PPP1R14C: variants seen among roughly 807,000 people sequenced by gnomAD.
The protein encoded by PPP1R14C is protein phosphatase 1 regulatory inhibitor subunit 14C.
Under a neutral mutation model 20.4 loss-of-function variants are expected in PPP1R14C, and 16 were observed. That is an observed-to-expected ratio of 0.78 (90% CI 0.53 to 1.19). The LOEUF is 1.19. Among genes scored for constraint, PPP1R14C ranks in the 50% most tolerant of loss-of-function variants. The probability of loss-of-function intolerance (pLI) is 0.00; values close to 1 mark genes in which losing one functional copy is unlikely to be tolerated. For missense variants in PPP1R14C, 211 were observed against 220.1 expected (o/e 0.96, Z 0.26); for synonymous variants, 91 against 91.0 (o/e 1.00, Z 0.00).
chr6:150,152,603 C>T (rs1777262021), intron 1 of PPP1R14C, among the ~76,000 whole-genome samples: 3 of 152,124 alleles, frequency 2.0e-5, no homozygotes. Context: ...GCCCCCACTC[C>T]CTAGCTGTCT....
chr6:150,198,996 T>G (rs1202746197), intron 1 of PPP1R14C, among the ~76,000 whole-genome samples: 2 of 143,164 alleles, frequency 1.4e-5, no homozygotes, highest in South Asian at 2.1e-4. Flanking sequence ...GTGGTAGGCT[T>G]CTTCTTTTTT....
chr6:150,243,128 C>T (rs1778451395), intron 3 of PPP1R14C, among the ~76,000 whole-genome samples: 1 of 151,252 alleles, frequency 6.6e-6, no homozygotes, highest in Admixed American at 6.6e-5. Context: ...AAGGCAATCT[C>T]AGTCAAAACC....
intron 3 of PPP1R14C, among the ~76,000 whole-genome samples, chr6:150,231,459 G>A (rs957880855): frequency 3.9e-5 from 6 of 152,116 alleles, no homozygotes; most frequent in African/African-American, 7.2e-5. Flanking sequence ...TTCCTGGGCC[G>A]GTTGACACTT....
intron 1 of PPP1R14C, chr6:150,164,464 TG>T (rs1186398692): frequency 6.6e-6 from 1 of 152,240 alleles, no homozygotes; most frequent in African/African-American, 2.4e-5. Flanking sequence ...TACAAGGTCA[TG>T]AAAATGTTTT....
At chr6:150,156,563 G>T (rs1337416672) in intron 1 of PPP1R14C, among the ~76,000 whole-genome samples, 2 of 152,146 alleles carry the variant, frequency 1.3e-5, no homozygotes, top group Non-Finnish European at 2.9e-5. Flanking sequence ...TTTTCAGATT[G>T]GCAGAGATAG....
At chr6:150,237,827 A>G (rs1778381898) in intron 3 of PPP1R14C, among the ~76,000 whole-genome samples, 1 of 152,202 alleles carries the variant, frequency 6.6e-6, no homozygotes, top group Non-Finnish European at 1.5e-5. Flanking sequence ...ATGTGGCTAC[A>G]CTGCTTCTTA....
intron 1 of PPP1R14C, among the ~76,000 whole-genome samples, chr6:150,190,919 T>C (rs1777734531): frequency 6.6e-6 from 1 of 152,142 alleles, no homozygotes; most frequent in Non-Finnish European, 1.5e-5. Flanking sequence ...AGTGATCCCG[T>C]TAATATAAGT....
chr6:150,206,925 C>A (rs565434090), intron 1 of PPP1R14C, among the ~76,000 whole-genome samples: 1 of 151,620 alleles, frequency 6.6e-6, no homozygotes, highest in East Asian at 1.9e-4. Context: ...AGTGCAATGG[C>A]ATGATCTCGG....
chr6:150,179,521 C>T (rs1417147337), intron 1 of PPP1R14C, among the ~76,000 whole-genome samples: 9 of 151,922 alleles, frequency 5.9e-5, no homozygotes, highest in Non-Finnish European at 1.0e-4. Flanking sequence ...ATAAGTGTCT[C>T]GATTTTTCCA....
intron 1 of PPP1R14C, among the ~76,000 whole-genome samples, chr6:150,155,804 C>T (rs1054966417): frequency 6.6e-6 from 1 of 151,732 alleles, no homozygotes; most frequent in Non-Finnish European, 1.5e-5. Context: ...GCGGGTGGAT[C>T]ACTTGAGGTC....
At chr6:150,190,615 C>T (rs555144167) in intron 1 of PPP1R14C, among the ~76,000 whole-genome samples, 2 of 152,060 alleles carry the variant, frequency 1.3e-5, no homozygotes, top group Admixed American at 1.3e-4. Flanking sequence ...TTAGTAGAGA[C>T]GGTGTTTCAC....
rs529872394 is a variant in PPP1R14C, at chr6:150,172,097, T to C, written c.306+28599T>C. On this transcript the variant is annotated intron_variant, in intron 1 of 3. Transcript: ENST00000361131. ...TGCTGGGATTACAGGTGTGAGCCACTGCACCCGGCCCAGAGTCTCTCCCTT... is the reference window on the plus strand; with the variant it reads ...TGCTGGGATTACAGGTGTGAGCCACCGCACCCGGCCCAGAGTCTCTCCCTT... Among the ~76,000 whole-genome samples, 582 of 152,268 alleles carry C rather than the reference T, an allele frequency of 3.8e-3. 6 individuals carry two copies. Among genetic ancestry groups the C allele is most frequent in the African/African-American group, 0.013 (556 of 41,562 alleles).
intron 1 of PPP1R14C, among the ~76,000 whole-genome samples, chr6:150,177,547 T>G (rs1276682562): frequency 1.3e-5 from 2 of 152,140 alleles, no homozygotes; most frequent in Admixed American, 1.3e-4. Context: ...TGGTCACAGA[T>G]AGCCTTACTG....
At chr6:150,238,955 T>A (rs367975132) in intron 3 of PPP1R14C, among the ~76,000 whole-genome samples, 2 of 152,280 alleles carry the variant, frequency 1.3e-5, no homozygotes, top group South Asian at 2.1e-4. Flanking sequence ...CTTCTTTTTT[T>A]TTTGGCGGTC....
At chr6:150,166,385 C>G (rs549904169) in intron 1 of PPP1R14C, among the ~76,000 whole-genome samples, 3 of 152,060 alleles carry the variant, frequency 2.0e-5, no homozygotes, top group African/African-American at 4.8e-5. Context: ...CAGCCAAATG[C>G]TGCTCTTCTT....
At chr6:150,226,319 G>A (rs907799921) in intron 3 of PPP1R14C, among the ~76,000 whole-genome samples, 10 of 152,180 alleles carry the variant, frequency 6.6e-5, no homozygotes, top group African/African-American at 2.4e-4. Flanking sequence ...GGTAGCAAAA[G>A]GATGTTTCCA....
At chr6:150,162,247 G>T (rs1054530865) in intron 1 of PPP1R14C, among the ~76,000 whole-genome samples, 6 of 152,118 alleles carry the variant, frequency 3.9e-5, no homozygotes, top group Non-Finnish European at 8.8e-5. Context: ...TAGAGACGGG[G>T]TTTCGCCATG....
At chr6:150,158,304 G>T (rs1459201635) in intron 1 of PPP1R14C, among the ~76,000 whole-genome samples, 2 of 152,028 alleles carry the variant, frequency 1.3e-5, no homozygotes, top group Admixed American at 1.3e-4. Flanking sequence ...AGGCTTATGA[G>T]ATTTTTTTTT....
At chr6:150,231,935 G>A (rs1201048167) in intron 3 of PPP1R14C, among the ~76,000 whole-genome samples, 1 of 152,158 alleles carries the variant, frequency 6.6e-6, no homozygotes, top group Non-Finnish European at 1.5e-5. Context: ...GAACAGTGGT[G>A]CAATAAAATA....
Sources: gnomAD v4.1 joint callset for allele counts (sites outside exome capture counted in the v4.1 genomes callset) on GRCh38, gnomAD v4.1.1 for gene constraint, MANE v1.5 for transcripts, NCBI Gene and HGNC (gene_info 2026-07-23, HGNC 2026-07-21) for gene names.